Variants in SMIM14 observed in about 807,000 individuals in gnomAD.
The protein encoded by SMIM14 is chromosome 4 open reading frame 34.
Under a neutral mutation model 12.6 loss-of-function variants are expected in SMIM14, and 5 were observed. That is an observed-to-expected ratio of 0.40 (90% CI 0.21 to 0.83). The LOEUF (loss-of-function observed/expected upper bound fraction) is 0.83. Ranked by LOEUF, SMIM14 falls within the 40% of genes least tolerant of loss-of-function variation. The pLI, the probability that SMIM14 is intolerant of heterozygous loss-of-function variation, is 0.37. For synonymous variants in SMIM14, 30 were observed against 40.1 expected (o/e 0.75, Z 0.95); for missense variants, 86 against 119.1 (o/e 0.72, Z 1.29).
chr4:39,561,722 C>T (rs1355152499), intron 3 of SMIM14, among the ~76,000 whole-genome samples: 1 of 152,018 alleles, frequency 6.6e-6, no homozygotes, highest in African/African-American at 2.4e-5. Context: ...GAATTCAACA[C>T]CAGCCTGGCC....
intron 1 of SMIM14, among the ~76,000 whole-genome samples, chr4:39,621,871 G>A (rs539295330): frequency 1.5e-4 from 23 of 149,748 alleles, no homozygotes; most frequent in South Asian, 4.2e-4. Flanking sequence ...AAGTAGAGAC[G>A]GGGTCTCATT....
chr4:39,557,589 T>G lies in SMIM14; in HGVS notation c.125-1019A>C, dbSNP rs187230286. ...CTAAGATCTACTTTTCTAGCTACCT[T>G]CTGCCCTGTGTCTGGCACCTACATC... On this transcript the variant is annotated intron_variant, in intron 3 of 4. Coordinates refer to ENST00000295958, the MANE Select transcript of SMIM14 (RefSeq NM_174921.3). Among the ~76,000 whole-genome samples, 78 of 152,302 alleles carry G rather than the reference T, an allele frequency of 5.1e-4. No homozygotes were observed. In the East Asian group the frequency reaches 0.01, roughly 20 times the overall value.
At chr4:39,588,041 C>T (rs1215131925) in intron 2 of SMIM14, 1 of 152,216 alleles carries the variant, frequency 6.6e-6, no homozygotes, top group Non-Finnish European at 1.5e-5. Context: ...AGCTACTCAC[C>T]AGCATCAACT....
chr4:39,608,721 T>C (rs937943812), intron 1 of SMIM14, among the ~76,000 whole-genome samples: 12 of 152,328 alleles, frequency 7.9e-5, no homozygotes, highest in African/African-American at 2.6e-4. Context: ...ATGGTGATAA[T>C]TGTACAACAC....
chr4:39,616,641 T>TA (rs5857689), intron 1 of SMIM14, among the ~76,000 whole-genome samples: 78,993 of 137,054 alleles, frequency 0.58, 22,765 homozygotes, highest in East Asian at 0.78. Flanking sequence ...TCCTTACATT[T>TA]AAAAAAAAAA....
intron 2 of SMIM14, among the ~76,000 whole-genome samples, chr4:39,600,263 T>C (rs888561823): frequency 2.0e-5 from 3 of 152,004 alleles, no homozygotes; most frequent in African/African-American, 7.2e-5. Flanking sequence ...TTTCTCAAAC[T>C]CCTGGCCTCA....
At chr4:39,563,624 C>CA (rs1712430531) in intron 3 of SMIM14, among the ~76,000 whole-genome samples, 1 of 152,240 alleles carries the variant, frequency 6.6e-6, no homozygotes, top group Non-Finnish European at 1.5e-5. Flanking sequence ...CCCTGTCTGG[C>CA]ATGTTCTTAC....
chr4:39,636,119 G>C (rs1024034366), intron 1 of SMIM14, among the ~76,000 whole-genome samples: 1 of 145,460 alleles, frequency 6.9e-6, no homozygotes, highest in African/African-American at 2.6e-5. Flanking sequence ...GTTGCAGTGA[G>C]CTGAGATCCA....
chr4:39,555,050 G>A (rs1711939023), intron 4 of SMIM14, among the ~76,000 whole-genome samples: 1 of 151,604 alleles, frequency 6.6e-6, no homozygotes, highest in Non-Finnish European at 1.5e-5. Context: ...TGGCCAGGCT[G>A]GTCTCGAACT....
intron 2 of SMIM14, among the ~76,000 whole-genome samples, chr4:39,595,225 T>C (rs1714303428): frequency 6.6e-6 from 1 of 150,724 alleles, no homozygotes; most frequent in Non-Finnish European, 1.5e-5. Flanking sequence ...TATGCAGCCA[T>C]CAAAAATGAT....
intron 1 of SMIM14, among the ~76,000 whole-genome samples, chr4:39,632,436 G>A (rs1715935632): frequency 6.8e-6 from 1 of 146,600 alleles, no homozygotes; most frequent in African/African-American, 2.5e-5. Context: ...GCAGAGATCG[G>A]GCCACTGCAC....
At chr4:39,614,373 G>A (rs1715145087) in intron 1 of SMIM14, among the ~76,000 whole-genome samples, 1 of 151,218 alleles carries the variant, frequency 6.6e-6, no homozygotes, top group African/African-American at 2.4e-5. Flanking sequence ...CCAAGGTGGA[G>A]TGCAGTGGCA....
intron 2 of SMIM14, among the ~76,000 whole-genome samples, chr4:39,575,143 G>A (rs1032905418): frequency 2.7e-5 from 4 of 148,796 alleles, no homozygotes; most frequent in African/African-American, 5.0e-5. Flanking sequence ...GATGAGTGGC[G>A]CAATCACAGC....
chr4:39,601,802 T>A (rs527582400), intron 2 of SMIM14, among the ~76,000 whole-genome samples: 1 of 151,652 alleles, frequency 6.6e-6, no homozygotes. Context: ...AAAAAATTAG[T>A]TGGGCATGGT....
chr4:39,565,728 T>G (rs1236620624), intron 3 of SMIM14, among the ~76,000 whole-genome samples: 1 of 152,134 alleles, frequency 6.6e-6, no homozygotes, highest in South Asian at 2.1e-4. Context: ...CACAGTGATA[T>G]GGTTTGGCTG....
chr4:39,560,376 G>A (rs1343900250), intron 3 of SMIM14, among the ~76,000 whole-genome samples: 2 of 150,206 alleles, frequency 1.3e-5, no homozygotes, highest in African/African-American at 4.9e-5. Context: ...ATTTCACCAT[G>A]TTGGCCAGGC....
chr4:39,619,876 A>ATATATATAT (rs71192884), intron 1 of SMIM14, among the ~76,000 whole-genome samples: 36 of 115,850 alleles, frequency 3.1e-4, no homozygotes, highest in Non-Finnish European at 4.4e-4. Flanking sequence ...ATATATATAT[A>ATATATATAT]TTTTTTTTTT....
At chr4:39,615,778 A>G (rs1262845811) in intron 1 of SMIM14, among the ~76,000 whole-genome samples, 1 of 152,230 alleles carries the variant, frequency 6.6e-6, no homozygotes, top group African/African-American at 2.4e-5. Context: ...AAACTGGATC[A>G]TGGGTAACTG....
intron 2 of SMIM14, among the ~76,000 whole-genome samples, chr4:39,604,462 A>G (rs982553997): frequency 1.3e-5 from 2 of 151,908 alleles, no homozygotes; most frequent in Non-Finnish European, 2.9e-5. Context: ...GCTTGAACTC[A>G]GGAGGTGGAG....
Sources: gnomAD v4.1 joint callset for allele counts (sites outside exome capture counted in the v4.1 genomes callset) on GRCh38, gnomAD v4.1.1 for gene constraint, MANE v1.5 for transcripts, NCBI Gene and HGNC (gene_info 2026-07-23, HGNC 2026-07-21) for gene names.